The following LINGO2 variants were observed in gnomAD, a reference collection of about 807,000 sequenced individuals.
LINGO2 encodes leucine-rich repeat and immunoglobulin-like domain-containing nogo receptor-interacting protein 2.
Under a neutral mutation model 30.6 loss-of-function variants are expected in LINGO2, and 14 were observed. The observed-to-expected ratio is 0.46, with a 90% CI of 0.30 to 0.72. LINGO2 has a LOEUF of 0.72. Ranked by LOEUF, LINGO2 falls within the 30% of genes least tolerant of loss-of-function variation. The pLI, the probability that LINGO2 is intolerant of heterozygous loss-of-function variation, is 0.07. For synonymous variants in LINGO2, 317 were observed against 288.5 expected, an observed-to-expected ratio of 1.10 and a Z score of -1.00; for missense variants, 729 against 751.7, an observed-to-expected ratio of 0.97 and a Z score of 0.35.
At chr9:28,724,665 A>G in the LINGO2 span, among the ~76,000 whole-genome samples, 1 of 152,166 alleles carries the variant, frequency 6.6e-6, no homozygotes, top group African/African-American at 2.4e-5. Flanking sequence ...GATCAATATC[A>G]GCAAACAGCT....
At chr9:28,763,140 A>T in the LINGO2 span, among the ~76,000 whole-genome samples, 1 of 152,040 alleles carries the variant, frequency 6.6e-6, no homozygotes, top group Non-Finnish European at 1.5e-5. Context: ...ATCCTTCTGA[A>T]ATAACCACTG....
At chr9:28,234,643 C>A (rs1469549678) in intron 4 of LINGO2, among the ~76,000 whole-genome samples, 1 of 152,182 alleles carries the variant, frequency 6.6e-6, no homozygotes, top group Non-Finnish European at 1.5e-5. Flanking sequence ...ATGTTTCCTG[C>A]CCTCGAACAT....
At chr9:28,992,038 A>T in the LINGO2 span, among the ~76,000 whole-genome samples, 1 of 152,190 alleles carries the variant, frequency 6.6e-6, no homozygotes, top group Non-Finnish European at 1.5e-5. Flanking sequence ...ATGTAAATGG[A>T]CTAAATGCTC....
At chr9:28,800,256 T>C in the LINGO2 span, among the ~76,000 whole-genome samples, 1 of 152,110 alleles carries the variant, frequency 6.6e-6, no homozygotes, top group Non-Finnish European at 1.5e-5. Context: ...TGTAAAAATG[T>C]CTTCTGAGTT....
the LINGO2 span, among the ~76,000 whole-genome samples, chr9:28,768,495 C>A: frequency 2.0e-5 from 3 of 151,930 alleles, no homozygotes; most frequent in East Asian, 5.8e-4. Flanking sequence ...TTATTCCCCC[C>A]AAAAGCTCTG....
chr9:29,003,387 C>T, the LINGO2 span, among the ~76,000 whole-genome samples: 1 of 151,958 alleles, frequency 6.6e-6, no homozygotes, highest in African/African-American at 2.4e-5. Flanking sequence ...AAGTGACTAT[C>T]ATTATCCCAC....
chr9:28,153,579 T>A (rs985050090), intron 4 of LINGO2, among the ~76,000 whole-genome samples: 12 of 152,218 alleles, frequency 7.9e-5, no homozygotes, highest in African/African-American at 2.4e-4. Context: ...ATAAAAAGTC[T>A]GTCTCTTCAA....
chr9:28,676,220 A>C, the LINGO2 span, among the ~76,000 whole-genome samples: 10 of 151,946 alleles, frequency 6.6e-5, no homozygotes, highest in African/African-American at 2.2e-4. Context: ...CTAATATTAA[A>C]GATTAAGTTA....
At chr9:28,185,440 A>G (rs1367600035) in intron 4 of LINGO2, among the ~76,000 whole-genome samples, 1 of 151,420 alleles carries the variant, frequency 6.6e-6, no homozygotes, top group Non-Finnish European at 1.5e-5. Context: ...GTAAATGGTA[A>G]AAAAAAAACT....
intron 4 of LINGO2, among the ~76,000 whole-genome samples, chr9:28,231,638 G>A (rs1821359322): frequency 6.6e-6 from 1 of 152,002 alleles, no homozygotes; most frequent in Admixed American, 6.6e-5. Flanking sequence ...GGTTTCAAAG[G>A]ACATACTCCC....
intron 4 of LINGO2, among the ~76,000 whole-genome samples, chr9:28,232,097 T>C (rs1231905183): frequency 6.6e-6 from 1 of 152,000 alleles, no homozygotes; most frequent in African/African-American, 2.4e-5. Context: ...GAACTTCCCA[T>C]ATTTAAAAAG....
At chr9:28,907,412 A>T in the LINGO2 span, among the ~76,000 whole-genome samples, 10 of 151,448 alleles carry the variant, frequency 6.6e-5, no homozygotes, top group African/African-American at 1.4e-4. Flanking sequence ...AGTCTTAAAA[A>T]TTTTTTTTTG....
At chr9:28,266,001 A>T (rs1348602354) in intron 4 of LINGO2, among the ~76,000 whole-genome samples, 1 of 151,958 alleles carries the variant, frequency 6.6e-6, no homozygotes, top group Non-Finnish European at 1.5e-5. Flanking sequence ...ATACAGAAAC[A>T]CCTAGTAATT....
At chr9:28,789,774 T>C in the LINGO2 span, among the ~76,000 whole-genome samples, 1 of 152,168 alleles carries the variant, frequency 6.6e-6, no homozygotes, top group Non-Finnish European at 1.5e-5. Flanking sequence ...CCTTGAAATA[T>C]TCCACGTTCC....
At chr9:29,028,203 T>A in the LINGO2 span, among the ~76,000 whole-genome samples, 1 of 152,014 alleles carries the variant, frequency 6.6e-6, no homozygotes, top group East Asian at 1.9e-4. Flanking sequence ...CACAGTAACA[T>A]AAAAGTTACA....
chr9:28,534,485 C>T (rs1225930157), intron 1 of LINGO2, among the ~76,000 whole-genome samples: 1 of 152,134 alleles, frequency 6.6e-6, no homozygotes, highest in African/African-American at 2.4e-5. Flanking sequence ...CACAACTAAC[C>T]AAGATATCGT....
intron 3 of LINGO2, among the ~76,000 whole-genome samples, chr9:28,305,224 C>A (rs1824298205): frequency 6.6e-6 from 1 of 152,020 alleles, no homozygotes; most frequent in African/African-American, 2.4e-5. Context: ...AAAGAAATTT[C>A]TTCAACCTGA....
At chr9:28,685,887 G>C in the LINGO2 span, among the ~76,000 whole-genome samples, 5 of 152,012 alleles carry the variant, frequency 3.3e-5, no homozygotes, top group East Asian at 9.7e-4. Context: ...TTATTGGTGA[G>C]GTTTGTACTA....
rs549701530 is a variant in LINGO2 at position 28,323,631 on chromosome 9, C to A, written c.-245-28265G>T. On this transcript the variant is annotated intron_variant, in intron 3 of 5. Transcript: ENST00000379992. ...TCAATAAAATAAGAAGCAAGCCAAA[C>A]AGATCCAAAATAGTCTCAAAATAAG... Among the ~76,000 whole-genome samples the A allele has an allele frequency of 2.0e-5, 3 of 152,178 alleles. No individual in the cohort carries two copies. In the South Asian group the frequency reaches 6.2e-4, roughly 32 times the overall value.
Sources: allele counts gnomAD v4.1 joint callset (sites outside exome capture counted in the v4.1 genomes callset), GRCh38; gene constraint gnomAD v4.1.1; transcripts MANE v1.5; gene names NCBI Gene and HGNC (gene_info 2026-07-23, HGNC 2026-07-21).